EYS: variants seen among roughly 807,000 people sequenced by gnomAD.
The protein encoded by EYS is EGF-like photoreceptor maintenance factor, also known as protein eyes shut homolog.
Under a neutral mutation model 282.1 loss-of-function variants are expected in EYS, and 250 were observed. The ratio of observed to expected loss-of-function variants is 0.89; its 90% CI spans 0.80 to 0.98. The LOEUF (loss-of-function observed/expected upper bound fraction) is 0.98. Ranked by LOEUF, EYS falls within the 50% of genes least tolerant of loss-of-function variation. The probability of loss-of-function intolerance (pLI) is 0.00; values close to 1 mark genes in which losing one functional copy is unlikely to be tolerated. For synonymous variants in EYS, 1,355 were observed against 1,282.9 expected, an observed-to-expected ratio of 1.06 and a Z score of -1.20; for missense variants, 4,016 against 3,709.0, an observed-to-expected ratio of 1.08 and a Z score of -2.15.
intron 12 of EYS, among the ~76,000 whole-genome samples, chr6:65,114,659 T>C (rs1775315347): frequency 6.6e-6 from 1 of 151,970 alleles, no homozygotes; most frequent in African/African-American, 2.4e-5. Flanking sequence ...ATTCTTTCTT[T>C]GTGGTATGCT....
intron 15 of EYS, 140 bp downstream of exon 15, chr6:64,945,653 C>G (rs1769262113): frequency 1.5e-6 from 1 of 685,088 alleles, no homozygotes; most frequent in East Asian, 3.1e-5. Flanking sequence ...GCGACACCAT[C>G]TTGTCAGTAA....
chr6:64,613,006 G>T (rs1356607914), intron 24 of EYS, among the ~76,000 whole-genome samples: 1 of 152,082 alleles, frequency 6.6e-6, no homozygotes, highest in African/African-American at 2.4e-5. Context: ...TTATTGCTTT[G>T]AATTGTGCTT....
At chr6:65,047,220 T>C (rs1160134150) in intron 13 of EYS, among the ~76,000 whole-genome samples, 1 of 151,848 alleles carries the variant, frequency 6.6e-6, no homozygotes, top group African/African-American at 2.4e-5. Context: ...AATATAACCA[T>C]ACCTCCAAAT....
intron 41 of EYS, among the ~76,000 whole-genome samples, chr6:63,743,954 G>T (rs1356363882): frequency 1.3e-5 from 2 of 152,188 alleles, no homozygotes; most frequent in Non-Finnish European, 2.9e-5. Context: ...ATTTGAGGCA[G>T]CAGTAGTGAG....
intron 26 of EYS, among the ~76,000 whole-genome samples, chr6:64,490,424 T>C (rs1776702148): frequency 6.6e-6 from 1 of 150,948 alleles, no homozygotes; most frequent in African/African-American, 2.4e-5. Context: ...AAATCAATAT[T>C]TTACAATACA....
chr6:65,064,498 T>C (rs1051240402), intron 12 of EYS, among the ~76,000 whole-genome samples: 1 of 146,786 alleles, frequency 6.8e-6, no homozygotes, highest in Non-Finnish European at 1.5e-5. Flanking sequence ...ATATAATATA[T>C]AATATAGTAT....
chr6:63,987,148 G>T (rs1416361976), intron 34 of EYS, among the ~76,000 whole-genome samples: 1 of 151,646 alleles, frequency 6.6e-6, no homozygotes, highest in Non-Finnish European at 1.5e-5. Flanking sequence ...AAATCCTTTA[G>T]CCACCACATT....
chr6:65,655,503 C>T (rs1767789324), intron 1 of EYS, among the ~76,000 whole-genome samples: 1 of 151,600 alleles, frequency 6.6e-6, no homozygotes, highest in Non-Finnish European at 1.5e-5. Flanking sequence ...GGCACTTTAC[C>T]TCTTTATTTT....
In EYS at chr6:65,639,806, G is replaced by C. The variant is rs1186754516; in HGVS notation, c.-361C>G. 1.3e-5 allele frequency: 2 copies of C among 152,116 alleles called. No homozygotes were observed. The highest frequency in any genetic ancestry group is 4.8e-5 in the African/African-American group (2 of 41,420). The allele number at this position is 152,116 out of a possible 1,614,324, so 9.4% of individuals were successfully genotyped here. ...AAGTACACAGGTTCCGTTGCTGTTTGAGATCAGTGTTTTATTTGCTAAATA... is the reference window on the plus strand; with the variant it reads ...AAGTACACAGGTTCCGTTGCTGTTTCAGATCAGTGTTTTATTTGCTAAATA... On this transcript the variant is annotated 5_prime_UTR_variant, in exon 2 of 43. Transcript: ENST00000503581.
At chr6:64,415,343 T>G (rs1361734792) in intron 28 of EYS, among the ~76,000 whole-genome samples, 1 of 152,222 alleles carries the variant, frequency 6.6e-6, no homozygotes, top group African/African-American at 2.4e-5. Context: ...ATGGCACCCC[T>G]GTATTTTCAA....
chr6:64,482,374 T>C (rs1355690473), intron 26 of EYS, among the ~76,000 whole-genome samples: 1 of 151,734 alleles, frequency 6.6e-6, no homozygotes. Context: ...CCATATATGA[T>C]TCATTTCAAA....
intron 35 of EYS, among the ~76,000 whole-genome samples, chr6:63,973,140 C>T (rs1433503472): frequency 1.3e-5 from 2 of 152,058 alleles, no homozygotes; most frequent in African/African-American, 4.8e-5. Context: ...CACTGTCTTC[C>T]ATAATGGTTG....
At chr6:65,374,302 A>T (rs542591773) in intron 8 of EYS, among the ~76,000 whole-genome samples, 12 of 151,530 alleles carry the variant, frequency 7.9e-5, no homozygotes, top group Non-Finnish European at 1.5e-4. Context: ...GGGGTCAGGG[A>T]CCTCCCTACC....
In EYS at chr6:64,554,731, C is replaced by A. The variant is rs76817548; in HGVS notation, c.5644+35492G>T. On this transcript the variant is annotated intron_variant, in intron 26 of 42. Coordinates refer to ENST00000503581, the MANE Select transcript of EYS (RefSeq NM_001142800.2). ...AAAAAATGGGAAAGATCTGAATAGA[C>A]ATTTCTCAAAAGAAGACATACAAAT... Among the ~76,000 whole-genome samples the A allele has an allele frequency of 3.9e-5, 6 of 151,972 alleles. No homozygotes were observed. In the East Asian group the frequency reaches 9.7e-4, roughly 24 times the overall value.
At chr6:64,545,982 A>G (rs561135542) in intron 26 of EYS, among the ~76,000 whole-genome samples, 11 of 152,334 alleles carry the variant, frequency 7.2e-5, no homozygotes, top group African/African-American at 2.6e-4. Flanking sequence ...ATCCCCATCA[A>G]GTTAACAATG....
At chr6:63,721,897 G>A in intron 42 of EYS, 100 bp from the exon 43 acceptor site, 1 of 1,096,452 alleles carries the variant, frequency 9.1e-7, no homozygotes. Context: ...TAGTTATGGG[G>A]AAAAAAGTAA....
At chr6:65,675,152 A>G (rs1359148762) in intron 1 of EYS, among the ~76,000 whole-genome samples, 1 of 152,088 alleles carries the variant, frequency 6.6e-6, no homozygotes. Flanking sequence ...CACTGACAGT[A>G]TAAAAGTCAA....
At chr6:63,989,529 G>A (rs1026375690) in intron 34 of EYS, among the ~76,000 whole-genome samples, 1 of 151,596 alleles carries the variant, frequency 6.6e-6, no homozygotes, top group Non-Finnish European at 1.5e-5. Flanking sequence ...TAATCTGTGA[G>A]CATATGATAT....
chr6:63,995,249 A>G (rs963232567), intron 34 of EYS, among the ~76,000 whole-genome samples: 1 of 152,220 alleles, frequency 6.6e-6, no homozygotes. Context: ...AAAGACTTGA[A>G]TAGACATTTT....
Sources: gnomAD v4.1 joint callset for allele counts (sites outside exome capture counted in the v4.1 genomes callset) on GRCh38, gnomAD v4.1.1 for gene constraint, MANE v1.5 for transcripts, NCBI Gene and HGNC (gene_info 2026-07-23, HGNC 2026-07-21) for gene names.